Variants in MAML3 observed in about 807,000 individuals in gnomAD.
MAML3 encodes mastermind like transcriptional coactivator 3.
MAML3 carries 27 observed loss-of-function variants against 101.9 expected under a neutral mutation model. The observed-to-expected ratio is 0.27, with a 90% confidence interval of 0.20 to 0.37. MAML3 has a LOEUF of 0.37. Among genes scored for constraint, MAML3 ranks in the 10% least tolerant of loss-of-function variants. MAML3 has a pLI of 1.00. For synonymous variants in MAML3, 501 were observed against 555.9 expected (o/e 0.90, Z 1.39); for missense variants, 1,316 against 1,444.9 (o/e 0.91, Z 1.45).
chr4:139,999,095 C>A (rs1045376774), intron 1 of MAML3, among the ~76,000 whole-genome samples: 2 of 152,182 alleles, frequency 1.3e-5, no homozygotes, highest in Non-Finnish European at 2.9e-5. Flanking sequence ...AGCCTCAAGA[C>A]TAGATAGGAG....
At chr4:140,074,841 C>CT (rs1384640105) in intron 1 of MAML3, among the ~76,000 whole-genome samples, 1 of 152,182 alleles carries the variant, frequency 6.6e-6, no homozygotes, top group Non-Finnish European at 1.5e-5. Flanking sequence ...TGTACACAAA[C>CT]TTTGTTTCAT....
At chr4:139,746,611 G>A (rs745929691) in intron 2 of MAML3, among the ~76,000 whole-genome samples, 2 of 152,176 alleles carry the variant, frequency 1.3e-5, no homozygotes, top group African/African-American at 4.8e-5. Flanking sequence ...CTCGCTCTGC[G>A]GGCCCCTCGT....
intron 1 of MAML3, among the ~76,000 whole-genome samples, chr4:140,104,021 A>G (rs1728294276): frequency 6.6e-6 from 1 of 152,142 alleles, no homozygotes; most frequent in Non-Finnish European, 1.5e-5. Flanking sequence ...GTAAAGATAC[A>G]GTACGTGCAC....
chr4:139,946,923 A>ACT (rs1306650267), intron 1 of MAML3, among the ~76,000 whole-genome samples: 72 of 62,220 alleles, frequency 1.2e-3, no homozygotes, highest in Middle Eastern at 6.3e-3. Flanking sequence ...ACACACACAC[A>ACT]CACTCTCTCT....
intron 2 of MAML3, among the ~76,000 whole-genome samples, chr4:139,836,423 A>AGGTAGG (rs1731256597): frequency 6.6e-6 from 1 of 152,210 alleles, no homozygotes; most frequent in Non-Finnish European, 1.5e-5. Context: ...CTGGGGCAGG[A>AGGTAGG]GGTAGGGTGG....
intron 2 of MAML3, among the ~76,000 whole-genome samples, chr4:139,870,542 C>T (rs1034946523): frequency 1.3e-5 from 2 of 152,204 alleles, no homozygotes; most frequent in Non-Finnish European, 2.9e-5. Context: ...TTTTGAAAGC[C>T]TAGCAATAAA....
At chr4:140,080,882 A>T (rs917808791) in intron 1 of MAML3, among the ~76,000 whole-genome samples, 23 of 152,232 alleles carry the variant, frequency 1.5e-4, no homozygotes, top group Non-Finnish European at 2.6e-4. Context: ...TTGTTTGTAT[A>T]TAAAAAGAAA....
chr4:139,986,743 C>T (rs1300545504), intron 1 of MAML3, among the ~76,000 whole-genome samples: 1 of 152,098 alleles, frequency 6.6e-6, no homozygotes. Flanking sequence ...CTTGCCTTCC[C>T]CTGTTCACTA....
In MAML3 at chr4:139,975,510, A is replaced by T. The variant is rs1578624974; in HGVS notation, c.469-84543T>A. Among the ~76,000 whole-genome samples, 3 of 152,130 alleles carry T rather than the reference A, an allele frequency of 2.0e-5. No individual in the cohort carries two copies. The South Asian group carries it at 6.2e-4, about 32-fold the overall frequency. On this transcript the variant is annotated intron_variant, in intron 1 of 4. Transcript: ENST00000509479. Reference sequence around the variant, plus strand: ...TTCCCTGCTCTACTTTTTTCATTACATCTACCATATTCTACCATGTGATAT... The same window carrying T: ...TTCCCTGCTCTACTTTTTTCATTACTTCTACCATATTCTACCATGTGATAT...
chr4:139,944,914 G>A (rs909845943), intron 1 of MAML3, among the ~76,000 whole-genome samples: 4 of 148,876 alleles, frequency 2.7e-5, no homozygotes, highest in Non-Finnish European at 4.5e-5. Context: ...ATCTAGAACT[G>A]GAAATACCAT....
At chr4:140,034,645 T>C (rs1196749285) in intron 1 of MAML3, among the ~76,000 whole-genome samples, 6 of 152,218 alleles carry the variant, frequency 3.9e-5, no homozygotes, top group African/African-American at 1.4e-4. Flanking sequence ...TCAGAGTACC[T>C]GGATTCAAAC....
intron 1 of MAML3, among the ~76,000 whole-genome samples, chr4:140,139,792 T>G (rs2874396): frequency 0.48 from 72,637 of 152,030 alleles, 18,018 homozygotes; most frequent in Non-Finnish European, 0.54. Context: ...TAAAGGGAAG[T>G]GTACGTCATG....
chr4:140,151,806 G>T (rs1313693000), intron 1 of MAML3, among the ~76,000 whole-genome samples: 1 of 152,194 alleles, frequency 6.6e-6, no homozygotes, highest in Non-Finnish European at 1.5e-5. Flanking sequence ...GGCTTGGGGG[G>T]TGGGAACTGC....
At chr4:139,787,067 G>A (rs1261451836) in intron 2 of MAML3, among the ~76,000 whole-genome samples, 1 of 152,340 alleles carries the variant, frequency 6.6e-6, no homozygotes, top group East Asian at 1.9e-4. Flanking sequence ...ACATGCCTCA[G>A]TTGGGTTTGC....
intron 2 of MAML3, among the ~76,000 whole-genome samples, chr4:139,830,090 G>C (rs1731134364): frequency 6.6e-6 from 1 of 152,178 alleles, no homozygotes; most frequent in Non-Finnish European, 1.5e-5. Flanking sequence ...ACAAAGTGGA[G>C]GTTATATAGA....
chr4:139,975,469 T>C (rs1734314618), intron 1 of MAML3, among the ~76,000 whole-genome samples: 2 of 152,144 alleles, frequency 1.3e-5, no homozygotes, highest in African/African-American at 4.8e-5. Flanking sequence ...ACACCCCATA[T>C]ACCTCCTTAT....
chr4:140,026,660 C>T (rs1726830183), intron 1 of MAML3, among the ~76,000 whole-genome samples: 1 of 152,190 alleles, frequency 6.6e-6, no homozygotes, highest in Non-Finnish European at 1.5e-5. Flanking sequence ...CCTCTTTCCC[C>T]CTACACAAAG....
chr4:140,083,794 T>C (rs1025769446), intron 1 of MAML3, among the ~76,000 whole-genome samples: 2 of 151,968 alleles, frequency 1.3e-5, no homozygotes, highest in African/African-American at 2.4e-5. Context: ...TCTCTACCTC[T>C]CTCCCAGGCA....
chr4:139,755,322 G>A (rs2111046633), intron 2 of MAML3, among the ~76,000 whole-genome samples: 1 of 152,366 alleles, frequency 6.6e-6, no homozygotes, highest in East Asian at 1.9e-4. Flanking sequence ...AACTGTGCCA[G>A]CGCAGCATGG....
Sources: allele counts gnomAD v4.1 joint callset (sites outside exome capture counted in the v4.1 genomes callset), GRCh38; gene constraint gnomAD v4.1.1; transcripts MANE v1.5; gene names NCBI Gene and HGNC (gene_info 2026-07-23, HGNC 2026-07-21).